The following PTBP1 variants were observed in gnomAD, a reference collection of about 807,000 sequenced individuals.
PTBP1 encodes the protein polypyrimidine tract binding protein 1.
A neutral mutation model predicts 59.8 loss-of-function variants in PTBP1; 8 were observed. That is an observed-to-expected ratio of 0.13 (90% CI 0.08 to 0.24). PTBP1 has a LOEUF of 0.24. Among genes scored for constraint, PTBP1 ranks in the 10% least tolerant of loss-of-function variants. The pLI is 1.00. For missense variants in PTBP1, 686 were observed against 767.0 expected (o/e 0.89, Z 1.25); for synonymous variants, 490 against 320.7 (o/e 1.53, Z -5.64).
At chr19:802,979 C>T (rs568182645) in intron 2 of PTBP1, among the ~76,000 whole-genome samples, 1 of 152,354 alleles carries the variant, frequency 6.6e-6, no homozygotes, top group East Asian at 1.9e-4. Flanking sequence ...GTCTCTAGTC[C>T]TCAGTCTCGC....
intron 9 of PTBP1, chr19:805,990 G>T (rs545965538): frequency 2.7e-5 from 7 of 257,004 alleles, no homozygotes; most frequent in African/African-American, 1.6e-4. Context: ...TGGGACCGGG[G>T]CCCGGCCGCC....
chr19:798,999 C>T lies in PTBP1; in HGVS notation c.9-414C>T, dbSNP rs950827181. 3.9e-5 allele frequency among the ~76,000 whole-genome samples: 6 copies of T among 152,252 alleles called. No homozygotes were observed. In the East Asian group the frequency reaches 7.7e-4, roughly 20 times the overall value. On this transcript the variant is annotated intron_variant, in intron 1 of 14. Transcript: ENST00000356948. ...ACCCCTACCCGGGTGGAAGCTCTGG[C>T]CCAGGCCTGTGAGTTTGCCAGTTTC...
At position 808,133 on chromosome 19, in the gene PTBP1, G is replaced by C; in HGVS notation, c.1154-227G>C. 1 of 629,774 alleles carries C rather than the reference G, an allele frequency of 1.6e-6. No homozygotes were observed. The highest frequency in any genetic ancestry group is 2.7e-5 in the East Asian group (1 of 36,710). The allele number at this position is 629,774 out of a possible 1,614,324, so 39.0% of individuals were successfully genotyped here. ...AGACCTGTCGGTGGCATATGCCACC[G>C]TGGCCACCCGCTGGCAGCTTACCTG... On this transcript the variant is annotated intron_variant, in intron 11 of 14. Coordinates refer to ENST00000356948, the MANE Select transcript of PTBP1 (RefSeq NM_002819.5). The surrounding 1 kb of genome is among the most constrained non-coding windows in gnomAD (Gnocchi z 4.7).
In PTBP1 at chr19:808,944, C is replaced by T. The variant is rs998268996; in HGVS notation, c.1463+182C>T. ...CCGAGGGCTGCTCAAGGGAGGGGGT[C>T]GTTGGACACTTTGGAGGTTTTGGCT... On this transcript the variant is annotated intron_variant, in intron 13 of 14. Coordinates refer to ENST00000356948, the MANE Select transcript of PTBP1 (RefSeq NM_002819.5). This position sits in a 1 kb window ranked among gnomAD's most constrained non-coding sequence, Gnocchi z 4.7. 5.3e-5 allele frequency among the ~76,000 whole-genome samples: 8 copies of T among 152,104 alleles called. No homozygotes were observed. Among genetic ancestry groups the T allele is most frequent in the African/African-American group, 1.7e-4 (7 of 41,404 alleles).
chr19:798,829 G>A (rs776006261), intron 1 of PTBP1, among the ~76,000 whole-genome samples: 1 of 152,240 alleles, frequency 6.6e-6, no homozygotes, highest in Non-Finnish European at 1.5e-5. Flanking sequence ...AGGGAGAGTC[G>A]GGTCGGGCGG....
chr19:798,169 AGGGTCTGTCCTCCGCCCCGG>A (rs1282988613), intron 1 of PTBP1, among the ~76,000 whole-genome samples: 1 of 151,328 alleles, frequency 6.6e-6, no homozygotes, highest in Non-Finnish European at 1.5e-5. Flanking sequence ...GGCCGCCCCG[AGGGTCTGTCCTCCGCCCCGG>A]GGCCGGAGGG....
intron 2 of PTBP1, among the ~76,000 whole-genome samples, chr19:803,140 C>T (rs2034409642): frequency 6.6e-6 from 1 of 152,118 alleles, no homozygotes; most frequent in African/African-American, 2.4e-5. Context: ...CCGTGTGCTG[C>T]TGGGGGGGCT....
intron 9 of PTBP1, chr19:806,117 G>A (rs1352613925): frequency 8.5e-6 from 3 of 351,256 alleles, no homozygotes; most frequent in Non-Finnish European, 1.5e-5. Context: ...CGAGGGCCCC[G>A]TGTCTGTGCT....
At chr19:807,924 T>C (rs781650527) in intron 11 of PTBP1, 22 bp downstream of exon 11, 1 of 1,601,956 alleles carries the variant, frequency 6.2e-7, no homozygotes, top group African/African-American at 1.3e-5. Context: ...TTCACACTTT[T>C]ATTACCTTGT....
At chr19:810,503 C>T (rs777981976) in intron 13 of PTBP1, 40 bp from the exon 14 acceptor site, 2 of 1,579,502 alleles carry the variant, frequency 1.3e-6, no homozygotes, top group Non-Finnish European at 1.7e-6. Flanking sequence ...GCGCCCCCAC[C>T]CCCACGCGGC....
At chr19:807,970 G>C (rs1038024829) in intron 11 of PTBP1, 68 bp downstream of exon 11, 1 of 1,428,040 alleles carries the variant, frequency 7.0e-7, no homozygotes, top group South Asian at 1.2e-5. Context: ...GCCCTGAGAC[G>C]TATTATGAGT....
intron 1 of PTBP1, among the ~76,000 whole-genome samples, chr19:797,887 TCCCCTCGTGCGCCTGCGTAG>T (rs2034144206): frequency 6.8e-6 from 1 of 147,922 alleles, no homozygotes; most frequent in Admixed American, 6.7e-5. Context: ...TCCCGTCCGC[TCCCCTCGTGCGCCTGCGTAG>T]CCCGTCGCGC....
rs75366733 is a variant in PTBP1, at chr19:811,420, G to C, written c.*594G>C. ...CGCTGCTCCAGCTGCGGAGCTGGTC[G>C]ACATAATCTCTGTATTATATACTTT... On this transcript the variant is annotated 3_prime_UTR_variant, in exon 15 of 15. Coordinates refer to ENST00000356948, the MANE Select transcript of PTBP1 (RefSeq NM_002819.5). 1 of 152,490 alleles carries C rather than the reference G, an allele frequency of 6.6e-6. No homozygotes were observed. The highest frequency in any genetic ancestry group is 2.4e-5 in the African/African-American group (1 of 41,466). The allele number at this position is 152,490 out of a possible 1,614,324, so 9.4% of individuals were successfully genotyped here.
intron 2 of PTBP1, among the ~76,000 whole-genome samples, chr19:800,268 C>G (rs1036128543): frequency 9.2e-5 from 14 of 152,082 alleles, no homozygotes; most frequent in Non-Finnish European, 1.5e-4. Context: ...CTGGTTAGAA[C>G]AGCAGCAAAC....
intron 2 of PTBP1, among the ~76,000 whole-genome samples, chr19:802,070 G>C (rs1421408409): frequency 6.6e-6 from 1 of 152,212 alleles, no homozygotes; most frequent in Non-Finnish European, 1.5e-5. Context: ...TCCGGCCCTT[G>C]TGGCTGCTCG....
intron 2 of PTBP1, 68 bp from the exon 3 acceptor site, chr19:803,493 C>T (rs1002687869): frequency 2.9e-5 from 41 of 1,403,982 alleles, no homozygotes; most frequent in African/African-American, 2.5e-4. Context: ...GGAGCAGGGC[C>T]GGCCGGTGGG....
chr19:810,854 C>G lies in PTBP1; in HGVS notation c.*28C>G. 6.6e-7 allele frequency: 1 copy of G among 1,503,792 alleles called. No individual in the cohort carries two copies. The allele number at this position is 1,503,792 out of a possible 1,614,324, so 93.2% of individuals were successfully genotyped here. ...GCACAGGCCCCCACGGCCGGGCCCC[C>G]TGGCGACAACTTCCATCATTCCAGA... is the stretch of plus-strand genomic sequence containing the variant. On this transcript the variant is annotated 3_prime_UTR_variant, in exon 15 of 15. Coordinates refer to ENST00000356948, the MANE Select transcript of PTBP1 (RefSeq NM_002819.5).
At chr19:798,520 G>A (rs2034183231) in intron 1 of PTBP1, 1 of 152,428 alleles carries the variant, frequency 6.6e-6, no homozygotes, top group Non-Finnish European at 1.5e-5. Context: ...GAGTGGGTCT[G>A]GACCCCTTAG....
At chr19:802,763 C>T (rs940893052) in intron 2 of PTBP1, among the ~76,000 whole-genome samples, 7 of 152,352 alleles carry the variant, frequency 4.6e-5, no homozygotes, top group African/African-American at 1.7e-4. Context: ...GTCTTCAATC[C>T]TTGCAGCGGG....
Sources: allele counts gnomAD v4.1 joint callset (sites outside exome capture counted in the v4.1 genomes callset), GRCh38; gene constraint gnomAD v4.1.1; non-coding constraint Gnocchi (gnomAD v3.1); transcripts MANE v1.5; gene names NCBI Gene and HGNC (gene_info 2026-07-23, HGNC 2026-07-21).